Variants in NTM observed in about 807,000 individuals in gnomAD.
NTM encodes the protein IgLON family member 2.
A neutral mutation model predicts 42.1 loss-of-function variants in NTM; 13 were observed. The observed-to-expected ratio is 0.31, with a 90% CI of 0.20 to 0.49. The LOEUF (loss-of-function observed/expected upper bound fraction) is 0.49. Among genes scored for constraint, NTM ranks in the 20% least tolerant of loss-of-function variants. The probability of loss-of-function intolerance (pLI) is 0.99; values close to 1 mark genes in which losing one functional copy is unlikely to be tolerated. For missense variants in NTM, 373 were observed against 452.8 expected (o/e 0.82, Z 1.60); for synonymous variants, 187 against 179.2 (o/e 1.04, Z -0.35).
rs1353769804 is a variant in NTM, at chr11:132,335,298, CA to C, written c.*155del. The C allele has an allele frequency of 1.0e-5, 8 of 787,024 alleles. No homozygotes were observed. Among genetic ancestry groups the C allele is most frequent in the Non-Finnish European group, 1.4e-5 (7 of 515,514 alleles). The allele number at this position is 787,024 out of a possible 1,614,324, so 48.8% of individuals were successfully genotyped here. A position where few individuals can be genotyped will look rare whatever the true frequency, so the allele number is the denominator to read the frequency against. ...GGGACAGAAATTTGAGGGAGGGGAACAAAGAATACTTTGGGGGGAAAAAAGT... is the reference window on the plus strand; with the variant it reads ...GGGACAGAAATTTGAGGGAGGGGAACAAGAATACTTTGGGGGGAAAAAAGT... On this transcript the variant is annotated 3_prime_UTR_variant, in exon 9 of 9. Coordinates refer to ENST00000683400, the MANE Select transcript of NTM (RefSeq NM_001352005.2).
At chr11:131,503,397 T>C (rs149048741) in intron 1 of NTM, among the ~76,000 whole-genome samples, 1 of 152,058 alleles carries the variant, frequency 6.6e-6, no homozygotes, top group Non-Finnish European at 1.5e-5. Flanking sequence ...TCTGCAGTAA[T>C]GTAAGAAGTG....
chr11:131,938,653 G>A (rs942144906), intron 2 of NTM, among the ~76,000 whole-genome samples: 1 of 152,208 alleles, frequency 6.6e-6, no homozygotes, highest in Admixed American at 6.5e-5. Flanking sequence ...GGTGGGTGGG[G>A]CAGGGTGACA....
chr11:131,605,930 C>T (rs2137475336), intron 1 of NTM: 1 of 957,166 alleles, frequency 1.0e-6, no homozygotes, highest in South Asian at 4.8e-5. Flanking sequence ...TTTTATGTTA[C>T]TTATTTAAAA....
intron 4 of NTM, among the ~76,000 whole-genome samples, chr11:132,256,191 T>C (rs1004989668): frequency 2.0e-5 from 3 of 152,208 alleles, no homozygotes; most frequent in African/African-American, 7.2e-5. Flanking sequence ...ACCATGGTTG[T>C]CTTGCTTTCC....
At chr11:132,191,158 T>A (rs1273643407) in intron 3 of NTM, among the ~76,000 whole-genome samples, 1 of 152,164 alleles carries the variant, frequency 6.6e-6, no homozygotes, top group Non-Finnish European at 1.5e-5. Flanking sequence ...CCCTCTGGAA[T>A]GCTTATGCTT....
At chr11:132,184,477 T>C (rs954711066) in intron 3 of NTM, among the ~76,000 whole-genome samples, 1 of 152,174 alleles carries the variant, frequency 6.6e-6, no homozygotes, top group East Asian at 1.9e-4. Context: ...ATGGATCAGA[T>C]TGGCTTAAGG....
chr11:131,745,099 G>A (rs980168027), intron 1 of NTM, among the ~76,000 whole-genome samples: 3 of 152,164 alleles, frequency 2.0e-5, no homozygotes, highest in African/African-American at 4.8e-5. Flanking sequence ...CTTCCACTGG[G>A]GTTGTGCTGA....
At chr11:131,439,943 CT>C (rs11388263) in intron 1 of NTM, among the ~76,000 whole-genome samples, 2,677 of 137,698 alleles carry the variant, frequency 0.019, 67 homozygotes, top group African/African-American at 0.061. Context: ...CCATCTTAGG[CT>C]TTTTTTTTTT....
intron 1 of NTM, among the ~76,000 whole-genome samples, chr11:131,653,380 G>C (rs1180303213): frequency 6.6e-6 from 1 of 152,238 alleles, no homozygotes; most frequent in African/African-American, 2.4e-5. Context: ...GAGGGCCCTG[G>C]GGGAGGGGAA....
chr11:132,230,894 C>T (rs772972209), intron 4 of NTM, among the ~76,000 whole-genome samples: 10 of 152,304 alleles, frequency 6.6e-5, no homozygotes, highest in African/African-American at 1.9e-4. Flanking sequence ...TGTGGTGATG[C>T]GCACCTGCAG....
chr11:131,497,257 C>T lies in NTM; in HGVS notation c.82+126369C>T, dbSNP rs978888514. 1.4e-4 allele frequency among the ~76,000 whole-genome samples: 21 copies of T among 152,264 alleles called. 1 individual carries two copies. Among genetic ancestry groups the T allele is most frequent in the African/African-American group, 4.1e-4 (17 of 41,564 alleles). On this transcript the variant is annotated intron_variant, in intron 1 of 8. Transcript: ENST00000683400. ...AGCCTGGAGTGCAGAGGTGCGATCT[C>T]GGCCCACTGCATCCTCTGCCTCCCA...
chr11:132,170,780 A>G (rs2076005881), intron 3 of NTM, among the ~76,000 whole-genome samples: 1 of 152,338 alleles, frequency 6.6e-6, no homozygotes, highest in South Asian at 2.1e-4. Context: ...ATTTAAAAAA[A>G]ATAAATAAAT....
intron 1 of NTM, among the ~76,000 whole-genome samples, chr11:131,830,134 A>G: frequency 6.6e-6 from 1 of 151,904 alleles, no homozygotes; most frequent in African/African-American, 2.4e-5. Flanking sequence ...TAGATTGTTT[A>G]CTCTGTTGAT....
intron 1 of NTM, among the ~76,000 whole-genome samples, chr11:131,444,112 G>A (rs1949831628): frequency 6.9e-6 from 1 of 144,528 alleles, no homozygotes; most frequent in Non-Finnish European, 1.5e-5. Flanking sequence ...TTAAAAGAAT[G>A]AGAATAGTTG....
At chr11:131,784,701 CAT>C (rs1358542885) in intron 1 of NTM, among the ~76,000 whole-genome samples, 2 of 152,172 alleles carry the variant, frequency 1.3e-5, no homozygotes, top group Admixed American at 6.5e-5. Flanking sequence ...CATATACACA[CAT>C]ATGTGTAATT....
chr11:131,827,082 A>C (rs1354449645), intron 1 of NTM, among the ~76,000 whole-genome samples: 1 of 152,148 alleles, frequency 6.6e-6, no homozygotes, highest in African/African-American at 2.4e-5. Context: ...GCTACTTTGT[A>C]CCAGACTCTG....
At chr11:131,855,523 T>C (rs2046002930) in intron 1 of NTM, among the ~76,000 whole-genome samples, 2 of 152,214 alleles carry the variant, frequency 1.3e-5, no homozygotes, top group Admixed American at 6.5e-5. Context: ...AAGCTTTCTT[T>C]TGTTTCTGCC....
chr11:131,540,339 G>A (rs2053044380), intron 1 of NTM, among the ~76,000 whole-genome samples: 1 of 151,706 alleles, frequency 6.6e-6, no homozygotes, highest in Non-Finnish European at 1.5e-5. Context: ...TAGTTGTTTT[G>A]TATTCTTAGT....
At chr11:131,824,050 G>A (rs775806949) in intron 1 of NTM, among the ~76,000 whole-genome samples, 1 of 152,168 alleles carries the variant, frequency 6.6e-6, no homozygotes, top group East Asian at 1.9e-4. Flanking sequence ...AGGATAAAGA[G>A]AATTGAAAAG....
Sources: gnomAD v4.1 joint callset for allele counts (sites outside exome capture counted in the v4.1 genomes callset) on GRCh38, gnomAD v4.1.1 for gene constraint, MANE v1.5 for transcripts, NCBI Gene and HGNC (gene_info 2026-07-23, HGNC 2026-07-21) for gene names.